Variants in DDIAS observed in about 807,000 individuals in gnomAD.
DDIAS encodes the protein DNA damage induced apoptosis suppressor, also known as DNA damage-induced apoptosis suppressor protein.
Under a neutral mutation model 15.7 loss-of-function variants are expected in DDIAS, and 14 were observed. The ratio of observed to expected loss-of-function variants is 0.89; its 90% CI spans 0.59 to 1.39. The LOEUF (loss-of-function observed/expected upper bound fraction) is 1.39, where lower values mean the gene tolerates loss of function less well. Ranked by LOEUF, DDIAS falls within the 40% of genes most tolerant of loss-of-function variation. The pLI, the probability that DDIAS is intolerant of heterozygous loss-of-function variation, is 0.00. For synonymous variants in DDIAS, 355 were observed against 395.9 expected (o/e 0.90, Z 1.23); for missense variants, 1,035 against 1,130.9 (o/e 0.92, Z 1.22).
In DDIAS at chr11:82,933,255, C is replaced by T. The variant is rs563395431; in HGVS notation, c.1917C>T (p.Cys639=). Reference sequence around the variant, plus strand: ...TTACATATCCTTTAGAAACTCTTTGCAATAGTCCAAATAGAAGTACAAATA... The same window carrying T: ...TTACATATCCTTTAGAAACTCTTTGTAATAGTCCAAATAGAAGTACAAATA... The part of the protein sequence containing the change: ...RKLTYPLETL[C]NSPNRSTNTL... Residue 639 remains cysteine (C), a synonymous_variant, in exon 6 of 6, where the codon TGC becomes TGT. Coordinates refer to ENST00000533655, the MANE Select transcript of DDIAS (RefSeq NM_145018.4). The T allele has an allele frequency of 2.0e-5, 32 of 1,612,260 alleles. 1 individual carries two copies. The African/African-American group carries it at 2.4e-4, about 12-fold the overall frequency.
At position 82,933,321 on chromosome 11, in the gene DDIAS, A is replaced by C. The variant is rs1861043066; in HGVS notation, c.1983A>C (p.Val661=). 4.3e-6 allele frequency: 7 copies of C among 1,613,944 alleles called. No homozygotes were observed. Among genetic ancestry groups the C allele is most frequent in the African/African-American group, 1.3e-5 (1 of 74,934 alleles). The change falls in exon 6 of 6, where the codon GTA becomes GTC. Residue 661 remains valine (V), a synonymous_variant. Coordinates refer to ENST00000533655, the MANE Select transcript of DDIAS (RefSeq NM_145018.4). ...EMPWGHINNN[V]TQSYSIGYEG... ...CTTGGGGACATATCAATAACAACGTAACACAGAGCTATTCTATTGGTTATG... is the reference window on the plus strand; with the variant it reads ...CTTGGGGACATATCAATAACAACGTCACACAGAGCTATTCTATTGGTTATG...
chr11:82,909,637 A>G (rs535887553), intron 1 of DDIAS, among the ~76,000 whole-genome samples: 1 of 152,254 alleles, frequency 6.6e-6, no homozygotes, highest in African/African-American at 2.4e-5. Flanking sequence ...TACAATGGCA[A>G]TTTTCTTTGA....
intron 1 of DDIAS, among the ~76,000 whole-genome samples, chr11:82,904,207 C>A (rs1226783271): frequency 6.6e-6 from 1 of 152,192 alleles, no homozygotes; most frequent in Non-Finnish European, 1.5e-5. Context: ...TCTTCAGCCC[C>A]ATCCCCAGAT....
At position 82,932,210 on chromosome 11, in the gene DDIAS, C is replaced by T. The variant is rs1440335158; in HGVS notation, c.872C>T (p.Pro291Leu). 1 of 1,613,962 alleles carries T rather than the reference C, an allele frequency of 6.2e-7. No homozygotes were observed. Among genetic ancestry groups the T allele is most frequent in the East Asian group, 2.2e-5 (1 of 44,880 alleles). Residue 291 changes from proline to leucine, a missense_variant, in exon 6 of 6, where the codon CCC becomes CTC. Coordinates refer to ENST00000533655, the MANE Select transcript of DDIAS (RefSeq NM_145018.4). ...EATGSSSCHD[P>L]IQDSWSLVSY... ...ACTGGTTCCAGTAGCTGCCATGATC[C>T]CATTCAGGATTCATGGAGCCTTGTT... is the stretch of plus-strand genomic sequence containing the variant.
At chr11:82,930,370 T>C in intron 5 of DDIAS, 96 bp downstream of exon 5, 3 of 871,906 alleles carry the variant, frequency 3.4e-6, no homozygotes, top group Non-Finnish European at 5.4e-6. Flanking sequence ...GTTCTGTACA[T>C]GTGAAGGCCT....
intron 1 of DDIAS, among the ~76,000 whole-genome samples, chr11:82,903,442 T>C (rs1860364562): frequency 6.6e-6 from 1 of 152,202 alleles, no homozygotes; most frequent in Non-Finnish European, 1.5e-5. Flanking sequence ...GATGTGACCT[T>C]CTCCATCCCT....
At chr11:82,923,167 AGTT>A (rs1382906780) in intron 3 of DDIAS, among the ~76,000 whole-genome samples, 1 of 152,144 alleles carries the variant, frequency 6.6e-6, no homozygotes. Context: ...TTGTTCTTGC[AGTT>A]GTTCTGGAGC....
At position 82,910,602 on chromosome 11, in the gene DDIAS, CTCTCTTTTTT is replaced by C. The variant is rs1362869461; in HGVS notation, c.-116-2683_-116-2674del. Among the ~76,000 whole-genome samples the C allele has an allele frequency of 8.4e-4, 109 of 129,156 alleles. 4 individuals are homozygous for C. Among genetic ancestry groups the C allele is most frequent in the African/African-American group, 2.7e-3 (90 of 33,138 alleles). 84.7% of individuals were successfully genotyped at this position (129,156 alleles called of 152,430 possible). On this transcript the variant is annotated intron_variant, in intron 1 of 5. Transcript: ENST00000533655. ...CAAGCTTTTAATTTTTTCTCTCTCT[CTCTCTTTTTT>C]TTTTTTTTTTTTTTTTTTTTTGAGA...
At position 82,930,290 on chromosome 11, in the gene DDIAS, T is replaced by A; in HGVS notation, c.393+16T>A. 1 of 1,444,272 alleles carries A rather than the reference T, an allele frequency of 6.9e-7. No homozygotes were observed. Among genetic ancestry groups the A allele is most frequent in the South Asian group, 1.2e-5 (1 of 83,552 alleles). The allele number at this position is 1,444,272 out of a possible 1,614,324, so 89.5% of individuals were successfully genotyped here. On this transcript the variant is annotated intron_variant, in intron 5 of 5. Transcript: ENST00000533655. Reference sequence around the variant, plus strand: ...TGGAGTGACGGTAATTGAGACTAGCTTTCTTTTTAATAATCTGTTAACATT... The same window carrying A: ...TGGAGTGACGGTAATTGAGACTAGCATTCTTTTTAATAATCTGTTAACATT...
intron 2 of DDIAS, among the ~76,000 whole-genome samples, chr11:82,914,375 C>T (rs887225797): frequency 1.1e-4 from 17 of 152,294 alleles, no homozygotes; most frequent in African/African-American, 3.8e-4. Context: ...GATGCTCAAC[C>T]GGTAGTTTCC....
intron 5 of DDIAS, among the ~76,000 whole-genome samples, chr11:82,930,665 A>G (rs892959629): frequency 1.3e-5 from 2 of 152,164 alleles, no homozygotes; most frequent in African/African-American, 4.8e-5. Context: ...ACTGAAGGCA[A>G]AGTATCTTGA....
Position 82,933,802 on chromosome 11 carries a change from A to G in DDIAS, c.2464A>G (p.Ser822Gly), listed in dbSNP as rs751553100. The G allele has an allele frequency of 3.7e-6, 6 of 1,613,420 alleles. No individual in the cohort carries two copies. Among genetic ancestry groups the G allele is most frequent in the Middle Eastern group, 1.7e-4 (1 of 6,060 alleles). Residue 822 changes from serine to glycine, a missense_variant, in exon 6 of 6, where the codon AGC becomes GGC. Coordinates refer to ENST00000533655, the MANE Select transcript of DDIAS (RefSeq NM_145018.4). ...PENDKQQASP[S>G]CPKNIKTPSQ... ...AAATGACAAACAGCAAGCCAGCCCA[A>G]GCTGTCCAAAAAATATAAAAACACC...
rs1861031619 is a variant in DDIAS at position 82,932,962 on chromosome 11, C to G, written c.1624C>G (p.Leu542Val). The change falls in exon 6 of 6, where the codon CTG becomes GTG. Residue 542 changes from leucine to valine, a missense_variant. Physicochemically the swap from Leu to Val is conservative, Grantham distance 32. Coordinates refer to ENST00000533655, the MANE Select transcript of DDIAS (RefSeq NM_145018.4). The part of the protein sequence containing the change: ...YFLPNPYLSA[L>V]SSSSKDLETI... ...TTTACCGAATCCTTACCTGTCAGCT[C>G]TGTCTTCATCTTCAAAAGATTTAGA... is the stretch of plus-strand genomic sequence containing the variant. 1.9e-6 allele frequency: 3 copies of G among 1,612,516 alleles called. No individual in the cohort carries two copies. Among genetic ancestry groups the G allele is most frequent in the African/African-American group, 1.3e-5 (1 of 75,032 alleles).
chr11:82,923,682 T>C (rs1860802695), intron 3 of DDIAS, among the ~76,000 whole-genome samples: 2 of 152,158 alleles, frequency 1.3e-5, no homozygotes, highest in African/African-American at 4.8e-5. Context: ...TGCTGAGTAG[T>C]AGGTAAGACT....
In DDIAS at chr11:82,934,065, A is replaced by T; in HGVS notation, c.2727A>T (p.Arg909Ser). 1 of 1,612,872 alleles carries T rather than the reference A, an allele frequency of 6.2e-7. No individual in the cohort carries two copies. The highest frequency in any genetic ancestry group is 1.1e-5 in the South Asian group (1 of 90,510). Residue 909 changes from arginine to serine, a missense_variant, in exon 6 of 6, where the codon AGA becomes AGT. Coordinates refer to ENST00000533655, the MANE Select transcript of DDIAS (RefSeq NM_145018.4). ...CAAGAAAGAAACTGAAACATATTAGACAAGGAACCAATAAAGGTTTAATTA... is the reference window on the plus strand; with the variant it reads ...CAAGAAAGAAACTGAAACATATTAGTCAAGGAACCAATAAAGGTTTAATTA... ...ELPRKKLKHI[R>S]QGTNKGLIKK...
At chr11:82,918,699 C>G (rs192414038) in intron 3 of DDIAS, among the ~76,000 whole-genome samples, 1 of 152,186 alleles carries the variant, frequency 6.6e-6, no homozygotes, top group South Asian at 2.1e-4. Context: ...TACCTATCCA[C>G]GAGCATGGGA....
intron 1 of DDIAS, among the ~76,000 whole-genome samples, chr11:82,902,631 A>G (rs2121305708): frequency 6.6e-6 from 1 of 152,278 alleles, no homozygotes; most frequent in East Asian, 1.9e-4. Context: ...CGCTCCAGCC[A>G]TATAGAATGT....
At position 82,928,943 on chromosome 11, in the gene DDIAS, G is replaced by A; in HGVS notation, c.275+5G>A. 6.3e-7 allele frequency: 1 copy of A among 1,597,906 alleles called. No homozygotes were observed. Among genetic ancestry groups the A allele is most frequent in the South Asian group, 1.1e-5 (1 of 87,478 alleles). On this transcript the variant is annotated splice_donor_5th_base_variant and intron_variant, in intron 4 of 5. Coordinates refer to ENST00000533655, the MANE Select transcript of DDIAS (RefSeq NM_145018.4). Reference sequence around the variant, plus strand: ...TACTGCCACTGGTTTGCACAGGTAAGAATACTTAAAACATCCTTTTTCCTG... The same window carrying A: ...TACTGCCACTGGTTTGCACAGGTAAAAATACTTAAAACATCCTTTTTCCTG...
In DDIAS at chr11:82,934,487, T is replaced by G. The variant is rs939149693; in HGVS notation, c.*152T>G. On this transcript the variant is annotated 3_prime_UTR_variant, in exon 6 of 6. Coordinates refer to ENST00000533655, the MANE Select transcript of DDIAS (RefSeq NM_145018.4). ...GGGAGCTACTGTGCCTTTTAAAATA[T>G]AAAGCCATTGTTTTCCCCAGGGTTT... The G allele has an allele frequency of 8.3e-6, 6 of 726,396 alleles. No individual in the cohort carries two copies. The highest frequency in any genetic ancestry group is 1.3e-5 in the Non-Finnish European group (6 of 477,428). 45.0% of individuals were successfully genotyped at this position (726,396 alleles called of 1,614,324 possible).
Sources: gnomAD v4.1 joint callset for allele counts (sites outside exome capture counted in the v4.1 genomes callset) on GRCh38, gnomAD v4.1.1 for gene constraint, MANE v1.5 for transcripts, NCBI Gene and HGNC (gene_info 2026-07-23, HGNC 2026-07-21) for gene names.